Variants in ZC3H13 observed in about 807,000 individuals in gnomAD.
ZC3H13 encodes zinc finger CCCH domain-containing protein 13.
In ZC3H13, 64 loss-of-function variants were observed where a neutral mutation model predicts 204.1. The ratio of observed to expected loss-of-function variants is 0.31; its 90% CI spans 0.26 to 0.39. ZC3H13 has a LOEUF of 0.39. ZC3H13 is among the 10% of genes least tolerant of loss of function. The pLI, the probability that ZC3H13 is intolerant of heterozygous loss-of-function variation, is 1.00. For synonymous variants in ZC3H13, 667 were observed against 693.7 expected, an observed-to-expected ratio of 0.96 and a Z score of 0.60; for missense variants, 1,833 against 2,082.7, an observed-to-expected ratio of 0.88 and a Z score of 2.33.
chr13:46,023,472 C>G (rs1367782226), intron 4 of ZC3H13, among the ~76,000 whole-genome samples: 1 of 152,134 alleles, frequency 6.6e-6, no homozygotes, highest in Non-Finnish European at 1.5e-5. Context: ...ATCATTCTGT[C>G]ATCTTCTCTG....
chr13:46,012,232 G>T (rs1049146766), intron 5 of ZC3H13, among the ~76,000 whole-genome samples: 6 of 152,054 alleles, frequency 3.9e-5, no homozygotes, highest in African/African-American at 1.4e-4. Flanking sequence ...ATGAAGATTG[G>T]TTAAAAAATC....
chr13:45,976,121 C>G (rs2138033786), intron 11 of ZC3H13: 1 of 959,718 alleles, frequency 1.0e-6, no homozygotes, highest in African/African-American at 1.8e-5. Context: ...TCTCTGCATG[C>G]TCCCTACCCT....
Position 45,979,858 on chromosome 13 carries a change from C to A in ZC3H13, c.1867G>T (p.Glu623Ter). Residue 623 changes from glutamate to a stop codon, truncating the protein, a stop_gained, in exon 11 of 19, where the codon GAG (glutamate) becomes TAG (stop). Transcript: ENST00000679008. LOFTEE classifies it high-confidence loss of function. ...NRDQARDSSF[E>*]RRHGERDRRD... ...CGGTCTCGCTCTCCATGTCTTCTCTCAAAGGAAGAATCCCTTGCTTGATCT... is the reference window on the plus strand; with the variant it reads ...CGGTCTCGCTCTCCATGTCTTCTCTAAAAGGAAGAATCCCTTGCTTGATCT... 6.2e-7 allele frequency: 1 copy of A among 1,604,032 alleles called. No individual in the cohort carries two copies. The highest frequency in any genetic ancestry group is 8.5e-7 in the Non-Finnish European group (1 of 1,175,676).
intron 8 of ZC3H13, among the ~76,000 whole-genome samples, chr13:46,000,614 T>C (rs753507059): frequency 4.6e-5 from 7 of 152,228 alleles, no homozygotes; most frequent in Non-Finnish European, 8.8e-5. Context: ...GCTGCTTTGA[T>C]CTTTTATCCA....
At chr13:45,990,327 T>C (rs1178967616) in intron 8 of ZC3H13, among the ~76,000 whole-genome samples, 1 of 152,218 alleles carries the variant, frequency 6.6e-6, no homozygotes, top group African/African-American at 2.4e-5. Context: ...TTATAAATGA[T>C]GCCTTAGTAA....
Position 45,958,949 on chromosome 13 carries a change from C to T in ZC3H13, c.4839+534G>A, listed in dbSNP as rs559756716. ...GATTACAGGCATGAGCCACCACGCC[C>T]GGCCAAAAATCCCAGTTTCTTAACT... is the stretch of plus-strand genomic sequence containing the variant. On this transcript the variant is annotated intron_variant, in intron 18 of 18. Coordinates refer to ENST00000679008, the MANE Select transcript of ZC3H13 (RefSeq NM_001330564.2). Among the ~76,000 whole-genome samples the T allele has an allele frequency of 3.3e-5, 5 of 152,124 alleles. No homozygotes were observed. In the East Asian group the frequency reaches 5.8e-4, roughly 18 times the overall value.
At chr13:46,005,673 G>C (rs557996587) in intron 7 of ZC3H13, among the ~76,000 whole-genome samples, 1 of 152,146 alleles carries the variant, frequency 6.6e-6, no homozygotes, top group South Asian at 2.1e-4. Context: ...TATTTTTGTA[G>C]AGACAGGGTT....
At chr13:46,036,214 C>A (rs1593783731) in intron 4 of ZC3H13, among the ~76,000 whole-genome samples, 2 of 151,094 alleles carry the variant, frequency 1.3e-5, no homozygotes, top group South Asian at 4.2e-4. Flanking sequence ...GAGGAGGCAA[C>A]TGTGAAACAA....
At chr13:46,021,907 T>C (rs972460347) in intron 4 of ZC3H13, among the ~76,000 whole-genome samples, 1 of 151,972 alleles carries the variant, frequency 6.6e-6, no homozygotes, top group African/African-American at 2.4e-5. Context: ...CATTACTGAA[T>C]AACTATACCA....
At position 45,969,107 on chromosome 13, in the gene ZC3H13, G is replaced by A. The variant is rs1391548259; in HGVS notation, c.3437C>T (p.Thr1146Ile). The A allele has an allele frequency of 6.8e-6, 11 of 1,614,076 alleles. No individual in the cohort carries two copies. Among genetic ancestry groups the A allele is most frequent in the Non-Finnish European group, 9.3e-6 (11 of 1,180,036 alleles). ...TTCATTGGCAAAAGTATTATTGGTG[G>A]TATTGGTGGGGGTGGCAGAGGTGGA... ...TISTSATPTN[T>I]TNNTFANEDS... The change falls in exon 14 of 19, where the codon ACC becomes ATC. Residue 1146 changes from threonine to isoleucine, a missense_variant. This residue lies in a region of ZC3H13 where 1,574 missense variants were observed against 1,757.2 expected (regional missense o/e 0.90). Coordinates refer to ENST00000679008, the MANE Select transcript of ZC3H13 (RefSeq NM_001330564.2).
chr13:45,975,927 A>G (rs1566184819), intron 11 of ZC3H13, 89 bp from the exon 12 acceptor site: 3 of 825,226 alleles, frequency 3.6e-6, no homozygotes, highest in East Asian at 3.0e-5. Flanking sequence ...TTTATCTGTG[A>G]TAGGGTCACA....
At chr13:45,958,648 GTTTTTTTT>G (rs10539884) in intron 18 of ZC3H13, among the ~76,000 whole-genome samples, 1 of 123,704 alleles carries the variant, frequency 8.1e-6, no homozygotes, top group Non-Finnish European at 1.7e-5. Flanking sequence ...AAAAATCCCA[GTTTTTTTT>G]TTTTTTTTTT....
At chr13:46,039,093 T>C (rs1266047385) in intron 4 of ZC3H13, among the ~76,000 whole-genome samples, 1 of 152,222 alleles carries the variant, frequency 6.6e-6, no homozygotes, top group Non-Finnish European at 1.5e-5. Flanking sequence ...TAAGTTTAGA[T>C]AGTGTATTAC....
intron 10 of ZC3H13, among the ~76,000 whole-genome samples, chr13:45,983,450 G>A (rs1376598677): frequency 1.3e-3 from 60 of 46,786 alleles, no homozygotes; most frequent in African/African-American, 6.4e-3. Flanking sequence ...TTTTTGAGAC[G>A]GAGTCTCACT....
chr13:45,958,888 T>G (rs1371960439), intron 18 of ZC3H13, among the ~76,000 whole-genome samples: 1 of 152,016 alleles, frequency 6.6e-6, no homozygotes, highest in Non-Finnish European at 1.5e-5. Context: ...TCTCCTGACC[T>G]CGTGATTCAC....
At chr13:45,965,903 T>G (rs987061654) in intron 15 of ZC3H13, among the ~76,000 whole-genome samples, 1 of 152,182 alleles carries the variant, frequency 6.6e-6, no homozygotes, top group South Asian at 2.1e-4. Context: ...TCATATTATT[T>G]AGCTCATTAT....
chr13:45,970,474 G>C lies in ZC3H13; in HGVS notation c.2469-9C>G, dbSNP rs368043535. On this transcript the variant is annotated splice_polypyrimidine_tract_variant and intron_variant, in intron 12 of 18. Coordinates refer to ENST00000679008, the MANE Select transcript of ZC3H13 (RefSeq NM_001330564.2). ...CATTTCTATAGCGCTTCCTAAATTG[G>C]ACAAGCAAACACAATTTATAAAATT... The C allele has an allele frequency of 6.4e-5, 103 of 1,606,852 alleles. No homozygotes were observed. The African/African-American group carries it at 1.3e-3, about 20-fold the overall frequency.
At chr13:46,019,869 G>C (rs1023180257) in intron 5 of ZC3H13, among the ~76,000 whole-genome samples, 4 of 152,142 alleles carry the variant, frequency 2.6e-5, no homozygotes, top group African/African-American at 9.7e-5. Context: ...ACAGGCAGGA[G>C]GACTGCTTGA....
At chr13:46,042,860 CTTAAATT>C (rs1414176339) in intron 3 of ZC3H13, among the ~76,000 whole-genome samples, 2 of 151,794 alleles carry the variant, frequency 1.3e-5, no homozygotes, top group African/African-American at 2.4e-5. Context: ...TAAAATTTAT[CTTAAATT>C]TTAAATTATT....
Sources: allele counts gnomAD v4.1 joint callset (sites outside exome capture counted in the v4.1 genomes callset), GRCh38; gene constraint gnomAD v4.1.1; regional missense constraint gnomAD v4.1.1; transcripts MANE v1.5; gene names NCBI Gene and HGNC (gene_info 2026-07-23, HGNC 2026-07-21).